BMF: variants seen among roughly 807,000 people sequenced by gnomAD.
The protein encoded by BMF is bcl-2-modifying factor.
BMF carries 10 observed loss-of-function variants against 22.0 expected under a neutral mutation model. That is an observed-to-expected ratio of 0.45 (90% CI 0.28 to 0.77). The LOEUF is 0.77. Among genes scored for constraint, BMF ranks in the 30% least tolerant of loss-of-function variants. The probability of loss-of-function intolerance (pLI) is 0.13; values close to 1 mark genes in which losing one functional copy is unlikely to be tolerated. For missense variants in BMF, 206 were observed against 226.8 expected, an observed-to-expected ratio of 0.91 and a Z score of 0.59; for synonymous variants, 87 against 88.1, an observed-to-expected ratio of 0.99 and a Z score of 0.07.
At chr15:40,096,520 C>T (rs2036365265) in intron 4 of BMF, among the ~76,000 whole-genome samples, 1 of 152,218 alleles carries the variant, frequency 6.6e-6, no homozygotes, top group African/African-American at 2.4e-5. Context: ...AGAGCACTTT[C>T]CTTTCTTCTC....
At chr15:40,098,995 C>G (rs1385608954) in intron 4 of BMF, among the ~76,000 whole-genome samples, 2 of 152,226 alleles carry the variant, frequency 1.3e-5, no homozygotes, top group East Asian at 3.8e-4. Flanking sequence ...CGCTGGCTCT[C>G]ACGCACTCTG....
intron 4 of BMF, among the ~76,000 whole-genome samples, chr15:40,095,129 T>C (rs2036329477): frequency 6.6e-6 from 1 of 152,172 alleles, no homozygotes. Context: ...CATGGGCCCA[T>C]GAGCCCTCTC....
At chr15:40,107,789 G>A (rs930020239) in intron 2 of BMF, among the ~76,000 whole-genome samples, 2 of 152,022 alleles carry the variant, frequency 1.3e-5, no homozygotes, top group Non-Finnish European at 2.9e-5. Flanking sequence ...TTCCTTTGAA[G>A]CCTATCACCT....
rs58924044 is a variant in BMF, at chr15:40,108,250, A to ACACACACACACC, written c.-6+8_-6+9insGGTGTGTGTGTG. ...CACACACACACACACACACACACAC[A>ACACACACACACC]CCCCAGACCTGGGTGACTCCAGGAG... On this transcript the variant is annotated intron_variant, in intron 2 of 4. Transcript: ENST00000354670. The ACACACACACACC allele has an allele frequency of 1.3e-5, 2 of 151,362 alleles. No individual in the cohort carries two copies. Among genetic ancestry groups the ACACACACACACC allele is most frequent in the Non-Finnish European group, 2.9e-5 (2 of 68,798 alleles). 9.4% of individuals were successfully genotyped at this position (151,362 alleles called of 1,614,324 possible).
chr15:40,092,329 G>C (rs1360257852), intron 4 of BMF, among the ~76,000 whole-genome samples: 1 of 152,060 alleles, frequency 6.6e-6, no homozygotes, highest in Admixed American at 6.5e-5. Flanking sequence ...AGGGGAAAGG[G>C]GGGGCCTCCA....
chr15:40,092,756 C>T (rs1356708684), intron 4 of BMF, among the ~76,000 whole-genome samples: 1 of 152,094 alleles, frequency 6.6e-6, no homozygotes, highest in East Asian at 1.9e-4. Context: ...GTGCCCTGCC[C>T]ACACAGGTAC....
intron 4 of BMF, among the ~76,000 whole-genome samples, chr15:40,093,374 AGGGAAATC>A (rs1355546777): frequency 6.6e-6 from 1 of 152,244 alleles, no homozygotes; most frequent in Non-Finnish European, 1.5e-5. Context: ...CCGGAGGGGA[AGGGAAATC>A]GGGCGTGCCA....
rs1205213979 is a variant in BMF, at chr15:40,090,940, A to T, written c.*847T>A. On this transcript the variant is annotated 3_prime_UTR_variant, in exon 5 of 5. Coordinates refer to ENST00000354670, the MANE Select transcript of BMF (RefSeq NM_001003940.2). ...GGTCTTTTGAAAGAAGAGCTGACAA[A>T]GGCACAGGCTGCCAGCAGCAACATG... The T allele has an allele frequency of 6.6e-6, 1 of 152,272 alleles. No individual in the cohort carries two copies. The highest frequency in any genetic ancestry group is 1.5e-5 in the Non-Finnish European group (1 of 68,042). The allele number at this position is 152,272 out of a possible 1,614,324, so 9.4% of individuals were successfully genotyped here.
intron 4 of BMF, among the ~76,000 whole-genome samples, chr15:40,098,944 C>T (rs910002399): frequency 5.3e-5 from 8 of 152,196 alleles, no homozygotes; most frequent in Non-Finnish European, 1.2e-4. Context: ...GCGATATAAA[C>T]AGAGCCAGCC....
At chr15:40,102,761 C>T (rs1285919493) in intron 4 of BMF, among the ~76,000 whole-genome samples, 3 of 152,160 alleles carry the variant, frequency 2.0e-5, no homozygotes, top group Non-Finnish European at 2.9e-5. Context: ...TGTACAACCA[C>T]GGTGGAGTGA....
chr15:40,107,577 T>TGG (rs1482047978), intron 2 of BMF, among the ~76,000 whole-genome samples: 2 of 139,510 alleles, frequency 1.4e-5, no homozygotes, highest in African/African-American at 2.6e-5. Flanking sequence ...TGTGTGTGTA[T>TGG]GGGGAGGGGG....
intron 4 of BMF, among the ~76,000 whole-genome samples, chr15:40,093,180 G>T (rs1490925818): frequency 6.6e-6 from 1 of 152,224 alleles, no homozygotes; most frequent in Non-Finnish European, 1.5e-5. Flanking sequence ...CCACCATGCA[G>T]GTTGCTGGCT....
Position 40,104,287 on chromosome 15 carries a change from T to G in BMF, c.346A>C (p.Ile116Leu). 1 of 1,614,198 alleles carries G rather than the reference T, an allele frequency of 6.2e-7. No individual in the cohort carries two copies. The highest frequency in any genetic ancestry group is 8.5e-7 in the Non-Finnish European group (1 of 1,180,028). The change falls in exon 4 of 5, where the codon ATT becomes CTT. Residue 116 changes from isoleucine to leucine, a missense_variant. By Grantham distance (5) the Ile-to-Leu change is conservative. Transcript: ENST00000354670. ...TGCCCTTCGGGGGGCTGCTCCCCAA[T>G]GGGCAAGACTGCTGGGAAACTGGCA... is the stretch of plus-strand genomic sequence containing the variant. ...LPASFPAVLP[I>L]GEQPPEGQWQ...
Position 40,091,652 on chromosome 15 carries a change from G to T in BMF, c.*135C>A. The T allele has an allele frequency of 1.4e-6, 1 of 690,196 alleles. No homozygotes were observed. The highest frequency in any genetic ancestry group is 2.5e-6 in the Non-Finnish European group (1 of 407,214). The allele number at this position is 690,196 out of a possible 1,614,324, so 42.8% of individuals were successfully genotyped here. On this transcript the variant is annotated 3_prime_UTR_variant, in exon 5 of 5. Transcript: ENST00000354670. The stretch of plus-strand genomic sequence containing the variant: ...TGAGTATGTTGTATGTACACTCAGA[G>T]AGAAATTAAAAAAAATTAAAACACA...
At chr15:40,103,898 C>A (rs1056044839) in intron 4 of BMF, among the ~76,000 whole-genome samples, 1 of 152,208 alleles carries the variant, frequency 6.6e-6, no homozygotes, top group Non-Finnish European at 1.5e-5. Flanking sequence ...TCAAGCAGAG[C>A]TGCAGAAAGC....
Position 40,091,307 on chromosome 15 carries a change from C to G in BMF, c.*480G>C, listed in dbSNP as rs570381834. On this transcript the variant is annotated 3_prime_UTR_variant, in exon 5 of 5. Coordinates refer to ENST00000354670, the MANE Select transcript of BMF (RefSeq NM_001003940.2). Reference sequence around the variant, plus strand: ...TCAAGTGGAAAGCCCCTGGCCGAAGCCCTGCTGGGTTAAAGCAATGTGACC... The same window carrying G: ...TCAAGTGGAAAGCCCCTGGCCGAAGGCCTGCTGGGTTAAAGCAATGTGACC... The G allele has an allele frequency of 1.3e-5, 2 of 153,188 alleles. No individual in the cohort carries two copies. The highest frequency in any genetic ancestry group is 1.9e-4 in the East Asian group (1 of 5,196). 9.5% of individuals were successfully genotyped at this position (153,188 alleles called of 1,614,324 possible).
chr15:40,102,119 G>A (rs968930913), intron 4 of BMF, among the ~76,000 whole-genome samples: 1 of 152,154 alleles, frequency 6.6e-6, no homozygotes, highest in Non-Finnish European at 1.5e-5. Flanking sequence ...ACTGGGAGAA[G>A]TGATGCCAAC....
chr15:40,105,639 A>C (rs1312184499), intron 3 of BMF, among the ~76,000 whole-genome samples, 156 bp downstream of exon 3: 1 of 152,204 alleles, frequency 6.6e-6, no homozygotes, highest in African/African-American at 2.4e-5. Flanking sequence ...GTGAGGAGCA[A>C]TAACAAGCCG....
chr15:40,097,827 G>T lies in BMF; in HGVS notation c.454-5939C>A, dbSNP rs144035026. 5.6e-4 allele frequency among the ~76,000 whole-genome samples: 86 copies of T among 152,246 alleles called. No individual in the cohort carries two copies. In the East Asian group the frequency reaches 0.015, roughly 26 times the overall value. The stretch of plus-strand genomic sequence containing the variant: ...TCTCAATATGCTCTGCAACAGGGCC[G>T]GCCTGGGGAGCACCATCTTCCCGGC... On this transcript the variant is annotated intron_variant, in intron 4 of 4. Transcript: ENST00000354670.
Sources: allele counts gnomAD v4.1 joint callset (sites outside exome capture counted in the v4.1 genomes callset), GRCh38; gene constraint gnomAD v4.1.1; transcripts MANE v1.5; gene names NCBI Gene and HGNC (gene_info 2026-07-23, HGNC 2026-07-21).